EIF4E3: variants seen among roughly 807,000 people sequenced by gnomAD.
EIF4E3 encodes the protein eukaryotic translation initiation factor 4E family member 3, also known as eukaryotic translation initiation factor 4E type 3.
In EIF4E3, 26 loss-of-function variants were observed where a neutral mutation model predicts 31.7. The observed-to-expected ratio is 0.82, with a 90% CI of 0.60 to 1.14. The LOEUF (loss-of-function observed/expected upper bound fraction) is 1.14, where lower values mean the gene tolerates loss of function less well. Ranked by LOEUF, EIF4E3 falls within the 50% of genes most tolerant of loss-of-function variation. The pLI is 0.00. For synonymous variants in EIF4E3, 128 were observed against 107.7 expected, an observed-to-expected ratio of 1.19 and a Z score of -1.17; for missense variants, 304 against 270.9, an observed-to-expected ratio of 1.12 and a Z score of -0.86.
intron 6 of EIF4E3, among the ~76,000 whole-genome samples, chr3:71,685,679 A>G (rs1029258979): frequency 6.6e-6 from 1 of 152,238 alleles, no homozygotes. Context: ...CAGGAATTTA[A>G]AAAAATTATG....
chr3:71,661,616 T>C, the EIF4E3 span, among the ~76,000 whole-genome samples: 3 of 152,210 alleles, frequency 2.0e-5, no homozygotes, highest in Non-Finnish European at 4.4e-5. Context: ...AATGGGCTCC[T>C]TGCAGTTTTA....
intron 1 of EIF4E3, among the ~76,000 whole-genome samples, chr3:71,713,294 T>C (rs1014224147): frequency 2.6e-5 from 4 of 152,208 alleles, no homozygotes; most frequent in African/African-American, 9.7e-5. Flanking sequence ...AGGTGACCCA[T>C]TTGTGATTTC....
At chr3:71,748,217 T>C (rs563578888) in intron 1 of EIF4E3, among the ~76,000 whole-genome samples, 426 of 148,118 alleles carry the variant, frequency 2.9e-3, no homozygotes, top group African/African-American at 9.3e-3. Context: ...ATTTTTTTTT[T>C]CAATCAAAAC....
intron 1 of EIF4E3, among the ~76,000 whole-genome samples, chr3:71,716,068 G>A (rs1381573857): frequency 6.6e-6 from 1 of 152,118 alleles, no homozygotes; most frequent in Non-Finnish European, 1.5e-5. Context: ...GTTTCTGCCT[G>A]TCAATCTTGC....
chr3:71,716,775 C>T (rs972198707), intron 1 of EIF4E3, among the ~76,000 whole-genome samples: 1 of 152,174 alleles, frequency 6.6e-6, no homozygotes, highest in East Asian at 1.9e-4. Context: ...TACCTGACAA[C>T]CATGCCCTTA....
upstream of EIF4E3, among the ~76,000 whole-genome samples, chr3:71,728,197 CTTAAGA>C (rs1316592069): frequency 1.3e-5 from 2 of 152,076 alleles, no homozygotes; most frequent in East Asian, 3.8e-4. Context: ...TTTAAATGAC[CTTAAGA>C]TTAATAAAAG....
intron 1 of EIF4E3, among the ~76,000 whole-genome samples, chr3:71,748,719 G>A (rs138169300): frequency 2.4e-3 from 363 of 152,092 alleles, no homozygotes; most frequent in African/African-American, 7.6e-3. Context: ...ACACATGCGC[G>A]CACTATCCTG....
downstream of EIF4E3, among the ~76,000 whole-genome samples, chr3:71,671,990 G>C (rs1163454923): frequency 6.6e-6 from 1 of 152,156 alleles, no homozygotes; most frequent in East Asian, 1.9e-4. Context: ...AGAGGGTTTT[G>C]CATTGAAATC....
intron 1 of EIF4E3, among the ~76,000 whole-genome samples, chr3:71,742,902 A>G (rs6800315): frequency 0.19 from 29,531 of 152,138 alleles, 2,920 homozygotes; most frequent in East Asian, 0.32. Context: ...CAATAGATGC[A>G]TGGAAAGCAT....
At chr3:71,702,523 A>G (rs528323013) in intron 2 of EIF4E3, among the ~76,000 whole-genome samples, 83 of 152,344 alleles carry the variant, frequency 5.4e-4, no homozygotes, top group African/African-American at 1.9e-3. Context: ...GATCATGCTA[A>G]GGATTGGAGC....
intron 1 of EIF4E3, among the ~76,000 whole-genome samples, chr3:71,733,916 TCTAA>T (rs1162152719): frequency 5.3e-5 from 8 of 152,342 alleles, no homozygotes; most frequent in East Asian, 3.9e-4. Context: ...TTTTTAGAAC[TCTAA>T]CTACTGTGCA....
At chr3:71,720,719 C>G (rs1343886826) in intron 1 of EIF4E3, among the ~76,000 whole-genome samples, 1 of 152,166 alleles carries the variant, frequency 6.6e-6, no homozygotes, top group Non-Finnish European at 1.5e-5. Flanking sequence ...GTTTAGAAGG[C>G]TAACCATGCC....
chr3:71,721,211 C>T (rs570426190), intron 1 of EIF4E3, among the ~76,000 whole-genome samples: 3 of 152,202 alleles, frequency 2.0e-5, no homozygotes, highest in South Asian at 2.1e-4. Context: ...GAAGTCACTG[C>T]GGGTAGAATT....
upstream of EIF4E3, among the ~76,000 whole-genome samples, chr3:71,726,499 T>C (rs564635694): frequency 8.5e-5 from 13 of 152,316 alleles, no homozygotes; most frequent in South Asian, 1.5e-3. Context: ...CTCTTTACAC[T>C]TGAATTTCTA....
At chr3:71,736,735 T>G (rs891336012) in intron 1 of EIF4E3, among the ~76,000 whole-genome samples, 1 of 152,240 alleles carries the variant, frequency 6.6e-6, no homozygotes, top group Non-Finnish European at 1.5e-5. Context: ...TGGATACATG[T>G]CATTGGACAC....
intron 2 of EIF4E3, among the ~76,000 whole-genome samples, chr3:71,707,004 C>T (rs754176398): frequency 3.9e-5 from 6 of 152,172 alleles, no homozygotes; most frequent in Non-Finnish European, 8.8e-5. Context: ...AGTTAAATAT[C>T]TTTACATACA....
At position 71,676,218 on chromosome 3, in the gene EIF4E3, T is replaced by C. The variant is rs1229803047; in HGVS notation, c.*8464A>G. 2 of 152,310 alleles carry C rather than the reference T, an allele frequency of 1.3e-5. No individual in the cohort carries two copies. Among genetic ancestry groups the C allele is most frequent in the East Asian group, 3.9e-4 (2 of 5,186 alleles). The allele number at this position is 152,310 out of a possible 1,614,324, so 9.4% of individuals were successfully genotyped here. On this transcript the variant is annotated 3_prime_UTR_variant, in exon 7 of 7. Transcript: ENST00000425534. ...AATAAGTTTTCTGAACCAACGTTCATAGTTAGAGAAGATTCTATATGTAAA... is the reference window on the plus strand; with the variant it reads ...AATAAGTTTTCTGAACCAACGTTCACAGTTAGAGAAGATTCTATATGTAAA...
chr3:71,707,319 G>C (rs1274586778), intron 2 of EIF4E3, among the ~76,000 whole-genome samples: 1 of 152,188 alleles, frequency 6.6e-6, no homozygotes, highest in Non-Finnish European at 1.5e-5. Flanking sequence ...TCACATATGG[G>C]ACATCAACCA....
intron 1 of EIF4E3, among the ~76,000 whole-genome samples, chr3:71,734,337 T>C (rs1310596788): frequency 6.6e-6 from 1 of 150,684 alleles, no homozygotes; most frequent in Non-Finnish European, 1.5e-5. Flanking sequence ...ATCTTGGAGA[T>C]AGCTGAGTCA....
Sources: gnomAD v4.1 joint callset for allele counts (sites outside exome capture counted in the v4.1 genomes callset) on GRCh38, gnomAD v4.1.1 for gene constraint, MANE v1.5 for transcripts, NCBI Gene and HGNC (gene_info 2026-07-23, HGNC 2026-07-21) for gene names.